The following TEKT5 variants were observed in gnomAD, a reference collection of about 807,000 sequenced individuals.
TEKT5 encodes the protein tektin-5.
Under a neutral mutation model 48.7 loss-of-function variants are expected in TEKT5, and 52 were observed. The ratio of observed to expected loss-of-function variants is 1.07; its 90% CI spans 0.86 to 1.35. The LOEUF (loss-of-function observed/expected upper bound fraction) is 1.35, where lower values mean the gene tolerates loss of function less well. Among genes scored for constraint, TEKT5 ranks in the 40% most tolerant of loss-of-function variants. TEKT5 has a pLI of 0.00. For missense variants in TEKT5, 831 were observed against 641.6 expected, an observed-to-expected ratio of 1.30 and a Z score of -3.19; for synonymous variants, 318 against 267.6, an observed-to-expected ratio of 1.19 and a Z score of -1.84.
intron 5 of TEKT5, among the ~76,000 whole-genome samples, chr16:10,660,384 C>G (rs1441434887): frequency 6.6e-6 from 1 of 152,116 alleles, no homozygotes; most frequent in Non-Finnish European, 1.5e-5. Context: ...CCCACCCCAC[C>G]CCCACCTGCT....
intron 5 of TEKT5, among the ~76,000 whole-genome samples, chr16:10,660,746 G>C (rs1222527094): frequency 6.6e-6 from 1 of 151,518 alleles, no homozygotes. Context: ...TGTTGCCCAG[G>C]CTGGAGTGCA....
chr16:10,653,504 G>A (rs1681591423), intron 5 of TEKT5, among the ~76,000 whole-genome samples: 1 of 152,230 alleles, frequency 6.6e-6, no homozygotes, highest in Admixed American at 6.5e-5. Context: ...GACCTTGCAT[G>A]GATCACAACC....
chr16:10,644,142 T>A (rs548824577), intron 5 of TEKT5, among the ~76,000 whole-genome samples: 3 of 152,344 alleles, frequency 2.0e-5, no homozygotes, highest in Admixed American at 6.5e-5. Context: ...GCACTGTATT[T>A]CTAATGGATG....
At chr16:10,643,047 G>A (rs181963017) in intron 5 of TEKT5, among the ~76,000 whole-genome samples, 1 of 152,298 alleles carries the variant, frequency 6.6e-6, no homozygotes, top group East Asian at 1.9e-4. Flanking sequence ...TACACATGGT[G>A]TGCGTCAAAA....
intron 5 of TEKT5, among the ~76,000 whole-genome samples, chr16:10,639,782 A>ACAAT (rs1897964487): frequency 6.6e-6 from 1 of 152,328 alleles, no homozygotes; most frequent in South Asian, 2.1e-4. Context: ...AGACTGGTTC[A>ACAAT]CAGCAGGGTA....
chr16:10,665,400 G>T (rs1898440846), intron 5 of TEKT5, among the ~76,000 whole-genome samples: 1 of 152,184 alleles, frequency 6.6e-6, no homozygotes, highest in Admixed American at 6.5e-5. Context: ...AGCCATGGGA[G>T]GAAAGAAGTA....
At chr16:10,629,465 G>A (rs1327508210) in intron 6 of TEKT5, among the ~76,000 whole-genome samples, 1 of 152,072 alleles carries the variant, frequency 6.6e-6, no homozygotes, top group Non-Finnish European at 1.5e-5. Flanking sequence ...TGCTCAGGCT[G>A]GTCTCGAACT....
chr16:10,685,353 G>A (rs1264171604), intron 3 of TEKT5, among the ~76,000 whole-genome samples: 1 of 152,138 alleles, frequency 6.6e-6, no homozygotes, highest in Non-Finnish European at 1.5e-5. Context: ...GGACTGGAGT[G>A]CAGTGGCACG....
chr16:10,659,582 T>C (rs2142284717), intron 5 of TEKT5, among the ~76,000 whole-genome samples: 1 of 152,268 alleles, frequency 6.6e-6, no homozygotes, highest in South Asian at 2.1e-4. Context: ...GGTTTCACCA[T>C]GTTAGCCTGA....
intron 3 of TEKT5, among the ~76,000 whole-genome samples, chr16:10,685,128 C>A (rs559127722): frequency 1.1e-4 from 16 of 152,344 alleles, no homozygotes; most frequent in Middle Eastern, 3.4e-3. Flanking sequence ...CAAACAGCCT[C>A]CATCCGGCGT....
intron 3 of TEKT5, among the ~76,000 whole-genome samples, chr16:10,687,699 G>C (rs1220551394): frequency 6.6e-6 from 1 of 152,282 alleles, no homozygotes; most frequent in Non-Finnish European, 1.5e-5. Context: ...GTTGCAGTGA[G>C]CTGAGCCCAT....
chr16:10,645,699 G>T (rs1310386929), intron 5 of TEKT5, among the ~76,000 whole-genome samples: 2 of 152,190 alleles, frequency 1.3e-5, no homozygotes, highest in Non-Finnish European at 2.9e-5. Context: ...GCTACTGGGA[G>T]GCTGAGACAG....
chr16:10,684,460 C>G (rs1898819480), intron 3 of TEKT5, among the ~76,000 whole-genome samples: 1 of 151,440 alleles, frequency 6.6e-6, no homozygotes. Context: ...AGGCCAGGAG[C>G]CAGGAAGTGA....
chr16:10,662,913 A>G (rs993616058), intron 5 of TEKT5, among the ~76,000 whole-genome samples: 1 of 152,202 alleles, frequency 6.6e-6, no homozygotes, highest in Non-Finnish European at 1.5e-5. Flanking sequence ...TAAGGCTAAT[A>G]TGTCTTTGTT....
chr16:10,690,114 C>A, intron 1 of TEKT5, 89 bp from the exon 2 acceptor site: 1 of 1,401,024 alleles, frequency 7.1e-7, no homozygotes, highest in South Asian at 1.2e-5. Flanking sequence ...TTGCCACAAT[C>A]TGTTCCTTTC....
chr16:10,655,329 C>T (rs762844234), intron 5 of TEKT5, among the ~76,000 whole-genome samples: 25 of 152,272 alleles, frequency 1.6e-4, no homozygotes, highest in African/African-American at 5.5e-4. Flanking sequence ...CAGAACCCAC[C>T]GGAACTCCTG....
In TEKT5 at chr16:10,680,514, TCATCCCGAG is replaced by T. The variant is rs1476511015; in HGVS notation, c.863+1470_863+1478del. Reference sequence around the variant, plus strand: ...ACTAAGATAGACTCCACCCTCTTTCTCATCCCGAGCATCTCTCAGACCTCAGACTACCAA... The same window carrying T: ...ACTAAGATAGACTCCACCCTCTTTCTCATCTCTCAGACCTCAGACTACCAA... On this transcript the variant is annotated intron_variant, in intron 4 of 6. Coordinates refer to ENST00000283025, the MANE Select transcript of TEKT5 (RefSeq NM_144674.2). Among the ~76,000 whole-genome samples, 103 of 151,844 alleles carry T rather than the reference TCATCCCGAG, an allele frequency of 6.8e-4. 1 individual carries two copies. The highest frequency in any genetic ancestry group is 1.3e-4 in the Non-Finnish European group (9 of 67,988).
At chr16:10,679,687 G>C (rs1898710520) in intron 4 of TEKT5, among the ~76,000 whole-genome samples, 1 of 152,024 alleles carries the variant, frequency 6.6e-6, no homozygotes, top group Admixed American at 6.6e-5. Flanking sequence ...CTAAGGTCAG[G>C]AGTTTGAGAC....
intron 5 of TEKT5, among the ~76,000 whole-genome samples, chr16:10,642,249 A>G (rs901321880): frequency 1.3e-5 from 2 of 152,130 alleles, no homozygotes; most frequent in Non-Finnish European, 1.5e-5. Context: ...GTCACCCTGG[A>G]GCACACTCTT....
Sources: allele counts gnomAD v4.1 joint callset (sites outside exome capture counted in the v4.1 genomes callset), GRCh38; gene constraint gnomAD v4.1.1; transcripts MANE v1.5; gene names NCBI Gene and HGNC (gene_info 2026-07-23, HGNC 2026-07-21).